TXNDC11: variants seen among roughly 807,000 people sequenced by gnomAD.
TXNDC11 encodes thioredoxin domain-containing protein 11.
In TXNDC11, 68 loss-of-function variants were observed where a neutral mutation model predicts 78.0. The ratio of observed to expected loss-of-function variants is 0.87; its 90% CI spans 0.72 to 1.07. The LOEUF (loss-of-function observed/expected upper bound fraction) is 1.07, where lower values mean the gene tolerates loss of function less well. Ranked by LOEUF, TXNDC11 falls within the 50% of genes least tolerant of loss-of-function variation. TXNDC11 has a pLI of 0.00. For synonymous variants in TXNDC11, 571 were observed against 495.2 expected, an observed-to-expected ratio of 1.15 and a Z score of -2.03; for missense variants, 1,389 against 1,221.8, an observed-to-expected ratio of 1.14 and a Z score of -2.04.
intron 2 of TXNDC11, among the ~76,000 whole-genome samples, chr16:11,735,019 G>T (rs538400974): frequency 6.6e-6 from 1 of 152,212 alleles, no homozygotes; most frequent in African/African-American, 2.4e-5. Context: ...AAACACTGAT[G>T]TTGGGGAAAA....
intron 5 of TXNDC11, among the ~76,000 whole-genome samples, chr16:11,709,955 C>T (rs575269079): frequency 3.9e-5 from 6 of 152,190 alleles, no homozygotes; most frequent in African/African-American, 7.2e-5. Context: ...TGGCTCACAC[C>T]ACCACGGTGA....
intron 8 of TXNDC11, among the ~76,000 whole-genome samples, chr16:11,690,486 G>C (rs1401687629): frequency 6.6e-6 from 1 of 152,194 alleles, no homozygotes; most frequent in African/African-American, 2.4e-5. Context: ...AGGTCTGGTG[G>C]CCTTGATCCT....
At chr16:11,721,840 T>A (rs1230059157) in intron 4 of TXNDC11, among the ~76,000 whole-genome samples, 170 bp from the exon 5 acceptor site, 2 of 152,150 alleles carry the variant, frequency 1.3e-5, no homozygotes, top group Non-Finnish European at 2.9e-5. Context: ...GGGTTGAACA[T>A]CCCCTCCATT....
chr16:11,737,359 C>T (rs1323732268), intron 1 of TXNDC11, among the ~76,000 whole-genome samples: 1 of 151,346 alleles, frequency 6.6e-6, no homozygotes, highest in Non-Finnish European at 1.5e-5. Context: ...ACACAAGAAT[C>T]GCTTGAACCC....
At chr16:11,688,203 T>A in intron 9 of TXNDC11, 100 bp downstream of exon 9, 1 of 1,360,958 alleles carries the variant, frequency 7.3e-7, no homozygotes, top group Non-Finnish European at 1.0e-6. Flanking sequence ...GTGGTTACTC[T>A]TCTATACATC....
intron 4 of TXNDC11, among the ~76,000 whole-genome samples, chr16:11,729,683 G>T (rs1302365921): frequency 3.9e-5 from 6 of 152,194 alleles, no homozygotes; most frequent in Admixed American, 2.6e-4. Flanking sequence ...ACTCAAGTAT[G>T]ATTTTACACT....
chr16:11,689,669 A>AT, intron 8 of TXNDC11, among the ~76,000 whole-genome samples: 1 of 152,380 alleles, frequency 6.6e-6, no homozygotes, highest in South Asian at 2.1e-4. Flanking sequence ...AAGTGAACAC[A>AT]TTATGAGGTC....
chr16:11,712,470 C>G (rs2051390756), intron 5 of TXNDC11, among the ~76,000 whole-genome samples: 1 of 152,186 alleles, frequency 6.6e-6, no homozygotes, highest in African/African-American at 2.4e-5. Flanking sequence ...AGCAACCCTA[C>G]TTCTTGGCCA....
At chr16:11,700,775 C>G (rs1597436094) in intron 5 of TXNDC11, among the ~76,000 whole-genome samples, 1 of 152,302 alleles carries the variant, frequency 6.6e-6, no homozygotes, top group African/African-American at 2.4e-5. Context: ...GAGAGGATGT[C>G]TCTGACTAAC....
chr16:11,690,468 A>T (rs1291179323), intron 8 of TXNDC11, among the ~76,000 whole-genome samples: 2 of 152,244 alleles, frequency 1.3e-5, no homozygotes, highest in African/African-American at 4.8e-5. Context: ...ACAGCAGCAG[A>T]ACAAATTAGG....
intron 2 of TXNDC11, 76 bp downstream of exon 2, chr16:11,735,941 G>T (rs184697944): frequency 7.0e-7 from 1 of 1,425,998 alleles, no homozygotes; most frequent in African/African-American, 1.4e-5. Context: ...GTTGGGCAAG[G>T]TGTCTCTGTG....
intron 7 of TXNDC11, among the ~76,000 whole-genome samples, chr16:11,694,454 T>A (rs1196277853): frequency 6.6e-6 from 1 of 151,658 alleles, no homozygotes; most frequent in Non-Finnish European, 1.5e-5. Flanking sequence ...CGACCAGCAA[T>A]GCTTTTTTTT....
intron 7 of TXNDC11, among the ~76,000 whole-genome samples, chr16:11,696,482 T>C (rs1597426973): frequency 6.6e-6 from 1 of 152,236 alleles, no homozygotes; most frequent in South Asian, 2.1e-4. Flanking sequence ...GTGTCGCATC[T>C]ATCCTTTCTC....
At chr16:11,727,403 A>T (rs2051915085) in intron 4 of TXNDC11, among the ~76,000 whole-genome samples, 1 of 152,186 alleles carries the variant, frequency 6.6e-6, no homozygotes, top group Non-Finnish European at 1.5e-5. Flanking sequence ...CCCAATTTTG[A>T]TATACTTAAA....
intron 4 of TXNDC11, among the ~76,000 whole-genome samples, chr16:11,725,944 T>G (rs971843763): frequency 6.6e-6 from 1 of 152,148 alleles, no homozygotes; most frequent in Non-Finnish European, 1.5e-5. Context: ...GGTGCCATCA[T>G]AGCTCACTGT....
At chr16:11,701,419 G>C (rs980961741) in intron 5 of TXNDC11, among the ~76,000 whole-genome samples, 2 of 152,062 alleles carry the variant, frequency 1.3e-5, no homozygotes, top group Non-Finnish European at 2.9e-5. Flanking sequence ...TTACAGGTGT[G>C]AGCCACCACA....
Position 11,689,767 on chromosome 16 carries a change from C to T in TXNDC11, c.1901-1322G>A, listed in dbSNP as rs2287199. Among the ~76,000 whole-genome samples the T allele has an allele frequency of 9.2e-4, 140 of 152,214 alleles. 2 individuals carry two copies. In the East Asian group the frequency reaches 0.025, roughly 28 times the overall value. On this transcript the variant is annotated intron_variant, in intron 8 of 11. Coordinates refer to ENST00000283033, the MANE Select transcript of TXNDC11 (RefSeq NM_015914.7). ...TACATGCTTGTAGGAACACTGACCC[C>T]ATTTCTCTGGAGTCTCTTTCCCATT...
chr16:11,685,522 G>A (rs886419962), intron 10 of TXNDC11, among the ~76,000 whole-genome samples: 9 of 151,824 alleles, frequency 5.9e-5, no homozygotes, highest in African/African-American at 1.2e-4. Context: ...AATGGCGGGC[G>A]CCTGTAGTCC....
chr16:11,687,988 T>A (rs372443032), intron 9 of TXNDC11, 22 bp from the exon 10 acceptor site: 2 of 1,549,122 alleles, frequency 1.3e-6, no homozygotes, highest in Non-Finnish European at 1.8e-6. Flanking sequence ...GGAAGACAGA[T>A]GTTACTTGCA....
Sources: allele counts gnomAD v4.1 joint callset (sites outside exome capture counted in the v4.1 genomes callset), GRCh38; gene constraint gnomAD v4.1.1; transcripts MANE v1.5; gene names NCBI Gene and HGNC (gene_info 2026-07-23, HGNC 2026-07-21).